Variants in MBD2 observed in about 807,000 individuals in gnomAD.
The protein encoded by MBD2 is methyl-CpG-binding domain protein 2.
MBD2 carries 9 observed loss-of-function variants against 39.3 expected under a neutral mutation model. That is an observed-to-expected ratio of 0.23 (90% CI 0.14 to 0.40). The LOEUF (loss-of-function observed/expected upper bound fraction) is 0.40. MBD2 is among the 10% of genes least tolerant of loss of function. The probability of loss-of-function intolerance (pLI) is 1.00; values close to 1 mark genes in which losing one functional copy is unlikely to be tolerated. For missense variants in MBD2, 458 were observed against 532.6 expected (o/e 0.86, Z 1.38); for synonymous variants, 233 against 211.1 (o/e 1.10, Z -0.90).
At chr18:54,165,537 T>C (rs1273678686) in intron 4 of MBD2, among the ~76,000 whole-genome samples, 1 of 152,218 alleles carries the variant, frequency 6.6e-6, no homozygotes, top group Non-Finnish European at 1.5e-5. Context: ...GGAGTTCTCA[T>C]ACAGCATGAA....
chr18:54,155,570 T>A (rs1168645909), intron 6 of MBD2, among the ~76,000 whole-genome samples: 1 of 152,246 alleles, frequency 6.6e-6, no homozygotes, highest in Admixed American at 6.5e-5. Flanking sequence ...CTTCTATGTT[T>A]ATGCAAATAT....
Position 54,155,137 on chromosome 18 carries a change from A to AT in MBD2, c.*186dup, listed in dbSNP as rs2086043465. Reference sequence around the variant, plus strand: ...AGTCCTAGGACTCAAAATAAACATGATTTTTTGAATAATAGATATATACAT... The same window carrying AT: ...AGTCCTAGGACTCAAAATAAACATGATTTTTTTGAATAATAGATATATACAT... On this transcript the variant is annotated 3_prime_UTR_variant, in exon 7 of 7. Transcript: ENST00000256429. The AT allele has an allele frequency of 6.6e-6, 1 of 152,548 alleles. No homozygotes were observed. Among genetic ancestry groups the AT allele is most frequent in the South Asian group, 2.1e-4 (1 of 4,826 alleles). The allele number at this position is 152,548 out of a possible 1,614,324, so 9.4% of individuals were successfully genotyped here.
intron 1 of MBD2, among the ~76,000 whole-genome samples, chr18:54,215,441 T>C (rs1193751274): frequency 2.0e-5 from 3 of 151,214 alleles, no homozygotes; most frequent in Admixed American, 6.6e-5. Context: ...TAAAACTAGA[T>C]AGAAACATAG....
intron 5 of MBD2, among the ~76,000 whole-genome samples, chr18:54,163,569 T>A (rs888932742): frequency 1.3e-5 from 2 of 152,136 alleles, no homozygotes; most frequent in Non-Finnish European, 2.9e-5. Context: ...ATGGTTTGCT[T>A]CTACTTTCTG....
At chr18:54,159,397 A>G (rs922534659) in intron 6 of MBD2, among the ~76,000 whole-genome samples, 1 of 152,154 alleles carries the variant, frequency 6.6e-6, no homozygotes, top group African/African-American at 2.4e-5. Flanking sequence ...TACAGGGAAA[A>G]TAACAAGAAA....
At position 54,181,890 on chromosome 18, in the gene MBD2, G is replaced by A. The variant is rs2086254203; in HGVS notation, c.840+6984C>T. Among the ~76,000 whole-genome samples, 5 of 152,278 alleles carry A rather than the reference G, an allele frequency of 3.3e-5. 1 individual carries two copies. The South Asian group carries it at 1.0e-3, about 32-fold the overall frequency. The stretch of plus-strand genomic sequence containing the variant: ...CTTCAGTGATCTCCTAACCCTGTCA[G>A]TCCTCATACTATATACAATTGACAG... On this transcript the variant is annotated intron_variant, in intron 3 of 6. Transcript: ENST00000256429.
At chr18:54,160,437 C>T (rs2086087852) in intron 5 of MBD2, among the ~76,000 whole-genome samples, 1 of 151,862 alleles carries the variant, frequency 6.6e-6, no homozygotes, top group Non-Finnish European at 1.5e-5. Context: ...GGAGCCAAGA[C>T]TACATGATCC....
chr18:54,190,383 G>A (rs2086312363), intron 2 of MBD2, among the ~76,000 whole-genome samples: 1 of 152,146 alleles, frequency 6.6e-6, no homozygotes, highest in Non-Finnish European at 1.5e-5. Context: ...TTTAGGTTCA[G>A]TGGAGCATCC....
At chr18:54,176,694 T>G (rs963593937) in intron 3 of MBD2, among the ~76,000 whole-genome samples, 1 of 152,326 alleles carries the variant, frequency 6.6e-6, no homozygotes, top group African/African-American at 2.4e-5. Context: ...CTAGTTATGG[T>G]CAGCAAAAAC....
At position 54,153,039 on chromosome 18, in the gene MBD2, A is replaced by G. The variant is rs1016967532; in HGVS notation, c.*2285T>C. The G allele has an allele frequency of 2.0e-5, 3 of 152,238 alleles. No homozygotes were observed. The highest frequency in any genetic ancestry group is 4.4e-5 in the Non-Finnish European group (3 of 68,066). 9.4% of individuals were successfully genotyped at this position (152,238 alleles called of 1,614,324 possible). A position where few individuals can be genotyped will look rare whatever the true frequency, so the allele number is the denominator to read the frequency against. Reference sequence around the variant, plus strand: ...TGTTTTGATGATCTTTCTGATGACTATGTGGAGGGATGGAGAGAGGGAAGG... The same window carrying G: ...TGTTTTGATGATCTTTCTGATGACTGTGTGGAGGGATGGAGAGAGGGAAGG... On this transcript the variant is annotated 3_prime_UTR_variant, in exon 7 of 7. Coordinates refer to ENST00000256429, the MANE Select transcript of MBD2 (RefSeq NM_003927.5).
intron 3 of MBD2, among the ~76,000 whole-genome samples, chr18:54,173,568 AAAG>A: frequency 1.3e-5 from 2 of 152,332 alleles, no homozygotes; most frequent in East Asian, 3.9e-4. Context: ...AACTTTCTTA[AAAG>A]AAGGAGAACA....
intron 1 of MBD2, among the ~76,000 whole-genome samples, chr18:54,219,106 T>A (rs2144354230): frequency 6.6e-6 from 1 of 152,334 alleles, no homozygotes; most frequent in Non-Finnish European, 1.5e-5. Context: ...TACCCGATGT[T>A]ACACAGTCGA....
chr18:54,216,018 G>T (rs684456), intron 1 of MBD2, among the ~76,000 whole-genome samples: 5,797 of 151,704 alleles, frequency 0.038, 355 homozygotes, highest in African/African-American at 0.13. Context: ...TGTTGGTCAG[G>T]CTGGTCTTGA....
chr18:54,167,948 A>AG (rs1404693569), intron 3 of MBD2, among the ~76,000 whole-genome samples: 1 of 149,426 alleles, frequency 6.7e-6, no homozygotes, highest in East Asian at 1.9e-4. Context: ...TCACAGCTAT[A>AG]GAAAAAAAAA....
chr18:54,204,126 TG>T (rs2086430221), intron 2 of MBD2, among the ~76,000 whole-genome samples: 1 of 152,188 alleles, frequency 6.6e-6, no homozygotes, highest in Non-Finnish European at 1.5e-5. Context: ...AAGGGACTTA[TG>T]GGGTTACATC....
At chr18:54,177,012 C>G (rs539235447) in intron 3 of MBD2, among the ~76,000 whole-genome samples, 13 of 152,314 alleles carry the variant, frequency 8.5e-5, no homozygotes, top group African/African-American at 2.6e-4. Flanking sequence ...CTCTAACTTA[C>G]ACACAGTGGG....
intron 6 of MBD2, among the ~76,000 whole-genome samples, chr18:54,156,956 C>T (rs78615182): frequency 3.3e-5 from 5 of 151,990 alleles, no homozygotes; most frequent in Non-Finnish European, 5.9e-5. Flanking sequence ...TAGAAAAAAA[C>T]CAAAAAGCCC....
chr18:54,161,261 C>T (rs1002469001), intron 5 of MBD2, among the ~76,000 whole-genome samples: 1 of 152,176 alleles, frequency 6.6e-6, no homozygotes, highest in Non-Finnish European at 1.5e-5. Flanking sequence ...CAAAACACCA[C>T]AAAGAGTTAA....
intron 3 of MBD2, among the ~76,000 whole-genome samples, chr18:54,182,735 C>T (rs546165889): frequency 2.9e-4 from 44 of 152,182 alleles, no homozygotes; most frequent in Admixed American, 4.6e-4. Context: ...GAGTTCAAGA[C>T]CACCCTGGGC....
Sources: allele counts gnomAD v4.1 joint callset (sites outside exome capture counted in the v4.1 genomes callset), GRCh38; gene constraint gnomAD v4.1.1; transcripts MANE v1.5; gene names NCBI Gene and HGNC (gene_info 2026-07-23, HGNC 2026-07-21).